HSD11B1: variants seen among roughly 807,000 people sequenced by gnomAD.
The protein encoded by HSD11B1 is 11-beta-hydroxysteroid dehydrogenase 1.
Under a neutral mutation model 22.1 loss-of-function variants are expected in HSD11B1, and 15 were observed. That is an observed-to-expected ratio of 0.68 (90% CI 0.45 to 1.04). The LOEUF (loss-of-function observed/expected upper bound fraction) is 1.04. Among genes scored for constraint, HSD11B1 ranks in the 50% least tolerant of loss-of-function variants. HSD11B1 has a pLI of 0.00. For missense variants in HSD11B1, 281 were observed against 357.6 expected (o/e 0.79, Z 1.73); for synonymous variants, 122 against 125.2 (o/e 0.97, Z 0.17).
chr1:209,727,688 T>A (rs1286625001), intron 4 of HSD11B1, among the ~76,000 whole-genome samples: 1 of 152,232 alleles, frequency 6.6e-6, no homozygotes, highest in Non-Finnish European at 1.5e-5. Flanking sequence ...CTCCCACTCA[T>A]TAACCTTGAA....
At chr1:209,729,902 GA>G (rs1474795623) in intron 4 of HSD11B1, among the ~76,000 whole-genome samples, 1 of 152,138 alleles carries the variant, frequency 6.6e-6, no homozygotes, top group Non-Finnish European at 1.5e-5. Flanking sequence ...AGTAGATGAT[GA>G]AAAAGCATTT....
chr1:209,731,329 CTT>C lies in HSD11B1; in HGVS notation c.518-1105_518-1104del, dbSNP rs377512365. Among the ~76,000 whole-genome samples the C allele has an allele frequency of 3.2e-3, 492 of 152,232 alleles. 3 individuals carry two copies. Among genetic ancestry groups the C allele is most frequent in the African/African-American group, 0.011 (468 of 41,544 alleles). On this transcript the variant is annotated intron_variant, in intron 4 of 5. Transcript: ENST00000367027. The stretch of plus-strand genomic sequence containing the variant: ...CCACTTAAAAAAAAAAATCAACACT[CTT>C]TGGAGGAATGTGACAGAATCCAGGT...
At chr1:209,709,119 A>G (rs2076878808) in intron 4 of HSD11B1, among the ~76,000 whole-genome samples, 1 of 152,232 alleles carries the variant, frequency 6.6e-6, no homozygotes, top group African/African-American at 2.4e-5. Context: ...GCTAAACATC[A>G]AGTTGATCTT....
In HSD11B1 at chr1:209,734,791, T is replaced by G. The variant is rs751934612; in HGVS notation, c.*270T>G. The G allele has an allele frequency of 9.5e-6, 2 of 211,266 alleles. No homozygotes were observed. The highest frequency in any genetic ancestry group is 2.3e-4 in the East Asian group (2 of 8,764). 13.1% of individuals were successfully genotyped at this position (211,266 alleles called of 1,614,324 possible). A position where few individuals can be genotyped will look rare whatever the true frequency, so the allele number is the denominator to read the frequency against. ...AGATAGTTATATTAAATTTATATCTTATATATAATAATATGTGATGATTAA... is the reference window on the plus strand; with the variant it reads ...AGATAGTTATATTAAATTTATATCTGATATATAATAATATGTGATGATTAA... On this transcript the variant is annotated 3_prime_UTR_variant, in exon 6 of 6. Transcript: ENST00000367027.
intron 1 of HSD11B1, among the ~76,000 whole-genome samples, chr1:209,690,727 C>T (rs1042643876): frequency 2.0e-5 from 3 of 151,696 alleles, no homozygotes; most frequent in Admixed American, 6.6e-5. Flanking sequence ...TAAAATTAAA[C>T]TTAAGCATTG....
intron 1 of HSD11B1, 127 bp downstream of exon 1, chr1:209,705,157 A>G (rs1040105746): frequency 2.5e-6 from 2 of 794,216 alleles, no homozygotes; most frequent in Non-Finnish European, 4.4e-6. Context: ...CCCTGAGTTA[A>G]GATGGTATTT....
intron 5 of HSD11B1, 42 bp from the exon 6 acceptor site, chr1:209,734,262 G>A: frequency 6.6e-7 from 1 of 1,505,960 alleles, no homozygotes; most frequent in Non-Finnish European, 9.2e-7. Flanking sequence ...CATGTAGACT[G>A]TCCTAGTCAG....
At chr1:209,689,571 A>G (rs892403083) in intron 1 of HSD11B1, among the ~76,000 whole-genome samples, 5 of 152,166 alleles carry the variant, frequency 3.3e-5, no homozygotes. Context: ...ATCCCTCATG[A>G]ATGACTTGGT....
At chr1:209,697,883 C>CTTTTTTTTTTTTTTTTTTTT (rs1558187212) in intron 1 of HSD11B1, among the ~76,000 whole-genome samples, 1 of 21,914 alleles carries the variant, frequency 4.6e-5, no homozygotes, top group African/African-American at 8.3e-5. Flanking sequence ...TTTGTTTTTT[C>CTTTTTTTTTTTTTTTTTTTT]CTTTTTTTTT....
At chr1:209,720,137 G>A (rs187660970) in intron 4 of HSD11B1, among the ~76,000 whole-genome samples, 6 of 151,784 alleles carry the variant, frequency 4.0e-5, no homozygotes, top group Admixed American at 1.3e-4. Context: ...AGTACCACCC[G>A]AAAAACAAAC....
chr1:209,707,158 T>C, intron 4 of HSD11B1, 30 bp downstream of exon 4: 3 of 1,560,692 alleles, frequency 1.9e-6, no homozygotes, highest in Non-Finnish European at 2.6e-6. Flanking sequence ...ATGTGGAAGG[T>C]AGAAGAAAAA....
chr1:209,732,462 G>A lies in HSD11B1; in HGVS notation c.544G>A (p.Ala182Thr). ...GAAAGTGGCTTATCCAATGGTTGCT[G>A]CCTATTCTGCAAGCAAGTTTGCTTT... Reference protein sequence around the residue: ...AGKVAYPMVAAYSASKFALDG... With the variant: ...AGKVAYPMVATYSASKFALDG... The change falls in exon 5 of 6, where the codon GCC becomes ACC. Residue 182 changes from alanine to threonine, a missense_variant. Coordinates refer to ENST00000367027, the MANE Select transcript of HSD11B1 (RefSeq NM_005525.4). 6.2e-7 allele frequency: 1 copy of A among 1,614,076 alleles called. No individual in the cohort carries two copies. The highest frequency in any genetic ancestry group is 8.5e-7 in the Non-Finnish European group (1 of 1,179,990).
intron 4 of HSD11B1, among the ~76,000 whole-genome samples, chr1:209,716,309 G>C (rs900047990): frequency 6.8e-6 from 1 of 146,058 alleles, no homozygotes; most frequent in African/African-American, 2.5e-5. Flanking sequence ...CTGAAAAAAA[G>C]AAAAACCATT....
rs182105783 is a variant in HSD11B1, at chr1:209,731,096, T to C, written c.518-1340T>C. On this transcript the variant is annotated intron_variant, in intron 4 of 5. Transcript: ENST00000367027. The stretch of plus-strand genomic sequence containing the variant: ...AAGAGGTTGGGGTTACCGTAATAGC[T>C]GGAATGCAAAGGGGTTATGCTGGAA... Among the ~76,000 whole-genome samples, 42 of 152,260 alleles carry C rather than the reference T, an allele frequency of 2.8e-4. 1 individual carries two copies. The highest frequency in any genetic ancestry group is 3.3e-4 in the Admixed American group (5 of 15,298).
rs561704581 is a variant in HSD11B1, at chr1:209,719,371, T to C, written c.517+12243T>C. Among the ~76,000 whole-genome samples the C allele has an allele frequency of 5.3e-5, 8 of 152,260 alleles. No homozygotes were observed. The East Asian group carries it at 9.7e-4, about 18-fold the overall frequency. ...TATGATTCCACTTACGTGAAGTTCT[T>C]AGAGTGGTGAAAGTTATACAAAGTT... is the stretch of plus-strand genomic sequence containing the variant. On this transcript the variant is annotated intron_variant, in intron 4 of 5. Transcript: ENST00000367027.
chr1:209,695,932 C>T (rs994515616), intron 1 of HSD11B1, among the ~76,000 whole-genome samples: 2 of 152,232 alleles, frequency 1.3e-5, no homozygotes, highest in African/African-American at 4.8e-5. Context: ...TTCATTGCAG[C>T]ACTGTCCATA....
At chr1:209,734,056 A>G (rs1245483708) in intron 5 of HSD11B1, among the ~76,000 whole-genome samples, 1 of 152,100 alleles carries the variant, frequency 6.6e-6, no homozygotes, top group Non-Finnish European at 1.5e-5. Context: ...TCTCCCAAGT[A>G]ATCACCTCTA....
chr1:209,727,939 A>T (rs2077013767), intron 4 of HSD11B1, among the ~76,000 whole-genome samples: 1 of 152,158 alleles, frequency 6.6e-6, no homozygotes, highest in African/African-American at 2.4e-5. Flanking sequence ...TTGGTCACTT[A>T]TTTCAATTTA....
chr1:209,707,149 T>C (rs1489027220), intron 4 of HSD11B1, 21 bp downstream of exon 4: 2 of 1,591,544 alleles, frequency 1.3e-6, no homozygotes, highest in Admixed American at 3.4e-5. Context: ...CAGGGACATA[T>C]GTGGAAGGTA....
Sources: allele counts gnomAD v4.1 joint callset (sites outside exome capture counted in the v4.1 genomes callset), GRCh38; gene constraint gnomAD v4.1.1; transcripts MANE v1.5; gene names NCBI Gene and HGNC (gene_info 2026-07-23, HGNC 2026-07-21).